The following CHP1 variants were observed in gnomAD, a reference collection of about 807,000 sequenced individuals.
CHP1 encodes calcineurin B homologous protein 1.
Under a neutral mutation model 27.4 loss-of-function variants are expected in CHP1, and 11 were observed. The ratio of observed to expected loss-of-function variants is 0.40; its 90% confidence interval spans 0.25 to 0.67. The LOEUF (loss-of-function observed/expected upper bound fraction) is 0.67, where lower values mean the gene tolerates loss of function less well. Among genes scored for constraint, CHP1 ranks in the 30% least tolerant of loss-of-function variants. The probability of loss-of-function intolerance (pLI) is 0.38; values close to 1 mark genes in which losing one functional copy is unlikely to be tolerated. For synonymous variants in CHP1, 89 were observed against 87.4 expected, an observed-to-expected ratio of 1.02 and a Z score of -0.10; for missense variants, 169 against 251.3, an observed-to-expected ratio of 0.67 and a Z score of 2.22.
chr15:41,246,499 T>C (rs1464789620), intron 2 of CHP1, among the ~76,000 whole-genome samples: 2 of 151,746 alleles, frequency 1.3e-5, no homozygotes, highest in African/African-American at 2.4e-5. Context: ...TCTGTATTTT[T>C]AGTAGAAACG....
At chr15:41,267,071 A>T (rs548578292) in intron 4 of CHP1, among the ~76,000 whole-genome samples, 47 of 152,286 alleles carry the variant, frequency 3.1e-4, no homozygotes, top group South Asian at 1.0e-3. Context: ...TGAGTGAAAT[A>T]AAGTGGATAT....
intron 3 of CHP1, among the ~76,000 whole-genome samples, chr15:41,262,344 G>T (rs1445139799): frequency 6.6e-6 from 1 of 152,088 alleles, no homozygotes; most frequent in Non-Finnish European, 1.5e-5. Flanking sequence ...GGAGATGGGG[G>T]AGATGTGGGA....
At chr15:41,256,764 C>A in intron 2 of CHP1, 146 bp from the exon 3 acceptor site, 1 of 691,360 alleles carries the variant, frequency 1.4e-6, no homozygotes, top group South Asian at 1.6e-5. Flanking sequence ...AAGTGCTATT[C>A]TTTGCAGTTA....
chr15:41,233,879 G>A (rs992427061), intron 1 of CHP1, among the ~76,000 whole-genome samples: 3 of 152,130 alleles, frequency 2.0e-5, no homozygotes, highest in African/African-American at 7.2e-5. Context: ...CTGCTACAAA[G>A]TCATTCCTTT....
chr15:41,231,548 T>A, intron 1 of CHP1, 99 bp downstream of exon 1: 1 of 1,176,876 alleles, frequency 8.5e-7, no homozygotes. Flanking sequence ...GCCTGTGAGG[T>A]TGGGGGGTCC....
Position 41,256,958 on chromosome 15 carries a change from G to T in CHP1, c.189G>T (p.Gly63=). ...RIPELAINPL[G]DRIINAFFPE... is the part of the protein sequence containing the mutation. ...CAGAACTTGCCATCAACCCACTGGGGGACCGGATCATCAATGCCTTCTTTC... is the reference window on the plus strand; with the variant it reads ...CAGAACTTGCCATCAACCCACTGGGTGACCGGATCATCAATGCCTTCTTTC... The change falls in exon 3 of 7, where the codon GGG becomes GGT. Residue 63 remains glycine, a synonymous_variant. Transcript: ENST00000334660. The T allele has an allele frequency of 6.2e-7, 1 of 1,614,054 alleles. No individual in the cohort carries two copies.
intron 5 of CHP1, among the ~76,000 whole-genome samples, chr15:41,274,032 C>T (rs368123785): frequency 2.0e-5 from 3 of 152,078 alleles, no homozygotes; most frequent in Middle Eastern, 3.4e-3. Flanking sequence ...GCGATCTCAA[C>T]TCACTGCAAC....
intron 1 of CHP1, among the ~76,000 whole-genome samples, chr15:41,235,361 AT>A (rs1194957036): frequency 2.0e-5 from 3 of 152,152 alleles, no homozygotes; most frequent in Non-Finnish European, 2.9e-5. Context: ...CTACAAAAAA[AT>A]AAATTTAAAA....
At chr15:41,272,830 C>T (rs987021475) in intron 5 of CHP1, among the ~76,000 whole-genome samples, 23 of 152,004 alleles carry the variant, frequency 1.5e-4, no homozygotes, top group South Asian at 2.1e-4. Context: ...AGGTGGATCC[C>T]GAGGTCAGGA....
intron 4 of CHP1, among the ~76,000 whole-genome samples, chr15:41,267,929 T>TAA (rs57565577): frequency 0.13 from 14,658 of 117,002 alleles, 1,006 homozygotes; most frequent in South Asian, 0.28. Context: ...CCCTATCTCT[T>TAA]AAAAAAAAAA....
At position 41,278,682 on chromosome 15, in the gene CHP1, G is replaced by A. The variant is rs999748220; in HGVS notation, c.412-85G>A. On this transcript the variant is annotated intron_variant, in intron 5 of 6. Coordinates refer to ENST00000334660, the MANE Select transcript of CHP1 (RefSeq NM_007236.5). The stretch of plus-strand genomic sequence containing the variant: ...TTTGAGGGCATCAAAGGAAAAGGAG[G>A]ATGGTGATAGCTTTATTTTTAATCT... 4.3e-5 allele frequency: 67 copies of A among 1,546,552 alleles called. No individual in the cohort carries two copies. In the East Asian group the frequency reaches 1.2e-3, roughly 29 times the overall value.
At chr15:41,273,035 C>T (rs1481976271) in intron 5 of CHP1, among the ~76,000 whole-genome samples, 1 of 151,198 alleles carries the variant, frequency 6.6e-6, no homozygotes, top group Non-Finnish European at 1.5e-5. Context: ...CCAGCCTGGG[C>T]AACAGGGCGA....
chr15:41,253,415 T>G (rs8034073), intron 2 of CHP1, among the ~76,000 whole-genome samples: 55,182 of 150,734 alleles, frequency 0.37, 10,762 homozygotes, highest in African/African-American at 0.52. Flanking sequence ...TATTTAACAG[T>G]TGACAAAGTA....
chr15:41,247,918 G>A (rs558911652), intron 2 of CHP1, among the ~76,000 whole-genome samples: 21 of 151,774 alleles, frequency 1.4e-4, no homozygotes, highest in Non-Finnish European at 2.6e-4. Flanking sequence ...TCAGTGAGCC[G>A]AGATCACACC....
chr15:41,245,818 G>C (rs1403848746), intron 2 of CHP1, among the ~76,000 whole-genome samples: 2 of 152,156 alleles, frequency 1.3e-5, no homozygotes, highest in Non-Finnish European at 2.9e-5. Context: ...ATGAAGTCCA[G>C]TTTCTTTAAT....
chr15:41,249,568 G>A (rs1022913563), intron 2 of CHP1, among the ~76,000 whole-genome samples: 1 of 147,390 alleles, frequency 6.8e-6, no homozygotes, highest in Non-Finnish European at 1.5e-5. Context: ...CGCCTCCCGG[G>A]TTCATGCCAT....
At chr15:41,249,315 G>A (rs548977713) in intron 2 of CHP1, among the ~76,000 whole-genome samples, 2 of 151,714 alleles carry the variant, frequency 1.3e-5, no homozygotes, top group Non-Finnish European at 2.9e-5. Context: ...TCACTGCCTG[G>A]CTAACTTTTG....
chr15:41,269,490 G>T (rs1221076742), intron 4 of CHP1, among the ~76,000 whole-genome samples: 2 of 152,106 alleles, frequency 1.3e-5, no homozygotes, highest in East Asian at 3.9e-4. Flanking sequence ...TCTCATTTCT[G>T]TTTGTCTTTC....
Position 41,231,404 on chromosome 15 carries a change from T to A in CHP1, c.22T>A (p.Leu8Ile), listed in dbSNP as rs371891740. MGSRAST[L>I]LRDEELEEIK... Reference sequence around the variant, plus strand: ...GGCGATGGGTTCTCGGGCCTCCACGTTACTGCGGGACGAAGAGCTCGAGGA... The same window carrying A: ...GGCGATGGGTTCTCGGGCCTCCACGATACTGCGGGACGAAGAGCTCGAGGA... Residue 8 changes from leucine to isoleucine, a missense_variant, in exon 1 of 7, where the codon TTA (leucine) becomes ATA (isoleucine). Leu to Ile is a conservative substitution (Grantham distance 5, BLOSUM62 2). Coordinates refer to ENST00000334660, the MANE Select transcript of CHP1 (RefSeq NM_007236.5). 3.1e-6 allele frequency: 5 copies of A among 1,604,388 alleles called. No individual in the cohort carries two copies. The highest frequency in any genetic ancestry group is 4.2e-6 in the Non-Finnish European group (5 of 1,176,658).
Sources: allele counts gnomAD v4.1 joint callset (sites outside exome capture counted in the v4.1 genomes callset), GRCh38; gene constraint gnomAD v4.1.1; transcripts MANE v1.5; gene names NCBI Gene and HGNC (gene_info 2026-07-23, HGNC 2026-07-21).